The following LIMS1 variants were observed in gnomAD, a reference collection of about 807,000 sequenced individuals.
The protein encoded by LIMS1 is LIM zinc finger domain containing 1, also known as LIM and senescent cell antigen-like-containing domain protein 1.
LIMS1 carries 18 observed loss-of-function variants against 44.1 expected under a neutral mutation model. The observed-to-expected ratio is 0.41, with a 90% CI of 0.28 to 0.61. LIMS1 has a LOEUF of 0.61. Among genes scored for constraint, LIMS1 ranks in the 20% least tolerant of loss-of-function variants. The pLI is 0.32. For synonymous variants in LIMS1, 93 were observed against 149.1 expected (o/e 0.62, Z 2.74); for missense variants, 201 against 422.0 (o/e 0.48, Z 4.59).
intron 1 of LIMS1, among the ~76,000 whole-genome samples, chr2:108,590,402 A>G (rs1209290207): frequency 6.6e-6 from 1 of 152,264 alleles, no homozygotes; most frequent in African/African-American, 2.4e-5. Flanking sequence ...TAAAAAGGGT[A>G]CATGCTTTTT....
chr2:108,609,536 C>T (rs1352173043), intron 1 of LIMS1, among the ~76,000 whole-genome samples: 3 of 152,216 alleles, frequency 2.0e-5, no homozygotes, highest in Non-Finnish European at 2.9e-5. Flanking sequence ...CTCCACCTTC[C>T]CATGCCTTTG....
At chr2:108,663,382 G>A (rs986727938) in intron 2 of LIMS1, among the ~76,000 whole-genome samples, 21 of 152,126 alleles carry the variant, frequency 1.4e-4, no homozygotes, top group African/African-American at 5.1e-4. Flanking sequence ...TTTACCCAGG[G>A]AAATACCCTT....
chr2:108,534,353 C>A (rs1684036361), upstream of LIMS1: 1 of 252,010 alleles, frequency 4.0e-6, no homozygotes, highest in South Asian at 1.7e-4. Flanking sequence ...CCCTCCTTGC[C>A]CAGCCGCTCC....
chr2:108,670,739 G>A lies in LIMS1; in HGVS notation c.193-42G>A, dbSNP rs1484770352. On this transcript the variant is annotated intron_variant, in intron 2 of 9. Transcript: ENST00000544547. ...CATCAAATAATTATATTTCTCCTGT[G>A]ATTGTTTCGTGTTTGTAAGTTGGTG... The A allele has an allele frequency of 5.6e-6, 9 of 1,611,748 alleles. No homozygotes were observed. The Middle Eastern group carries it at 1.6e-3, about 283-fold the overall frequency.
chr2:108,604,278 A>G (rs115017414), intron 1 of LIMS1, among the ~76,000 whole-genome samples: 3,818 of 152,284 alleles, frequency 0.025, 103 homozygotes, highest in African/African-American at 0.064. Flanking sequence ...ATGAAATTCA[A>G]ATTTCAGTGT....
At chr2:108,660,417 C>G (rs965664) in intron 2 of LIMS1, 3 of 426,474 alleles carry the variant, frequency 7.0e-6, no homozygotes, top group Non-Finnish European at 1.4e-5. Flanking sequence ...TACCGAAACC[C>G]CTTTCTTGTT....
intron 7 of LIMS1, among the ~76,000 whole-genome samples, chr2:108,677,730 A>G (rs1692669214): frequency 6.6e-6 from 1 of 152,110 alleles, no homozygotes; most frequent in African/African-American, 2.4e-5. Flanking sequence ...TCTTATCCAT[A>G]TGGACTCACA....
At chr2:108,559,194 G>A (rs1685029972) in intron 1 of LIMS1, among the ~76,000 whole-genome samples, 1 of 152,164 alleles carries the variant, frequency 6.6e-6, no homozygotes, top group Non-Finnish European at 1.5e-5. Context: ...CTCTGTAGAA[G>A]GCTATGAAGA....
chr2:108,584,358 T>C (rs978007372), intron 1 of LIMS1, among the ~76,000 whole-genome samples: 1 of 152,198 alleles, frequency 6.6e-6, no homozygotes. Context: ...TTTTGCATTC[T>C]AGGTTTCCCC....
At chr2:108,602,127 G>C (rs894673278) in intron 1 of LIMS1, among the ~76,000 whole-genome samples, 1 of 152,070 alleles carries the variant, frequency 6.6e-6, no homozygotes, top group Non-Finnish European at 1.5e-5. Flanking sequence ...ATATAGAAAT[G>C]GTACTGACTT....
chr2:108,595,195 A>T (rs1323541183), intron 1 of LIMS1, among the ~76,000 whole-genome samples: 1 of 152,152 alleles, frequency 6.6e-6, no homozygotes, highest in African/African-American at 2.4e-5. Flanking sequence ...GCTGAACCGT[A>T]TTTGGGTGGG....
intron 7 of LIMS1, chr2:108,676,906 T>G (rs1692603340): frequency 3.6e-6 from 2 of 555,644 alleles, no homozygotes; most frequent in East Asian, 6.6e-5. Context: ...GTCCACAGTT[T>G]GCTTTATCAT....
intron 5 of LIMS1, 108 bp downstream of exon 5, chr2:108,673,137 G>A (rs1311860065): frequency 2.6e-5 from 38 of 1,484,416 alleles, no homozygotes; most frequent in Non-Finnish European, 3.4e-5. Flanking sequence ...CCAATTTTTA[G>A]TCTAGAAAAT....
At chr2:108,600,009 C>T (rs1686920644) in intron 1 of LIMS1, among the ~76,000 whole-genome samples, 1 of 151,068 alleles carries the variant, frequency 6.6e-6, no homozygotes, top group Non-Finnish European at 1.5e-5. Context: ...GACTGTTTTC[C>T]TTTGCTGTAC....
intron 2 of LIMS1, among the ~76,000 whole-genome samples, chr2:108,665,993 A>G (rs1691728986): frequency 1.4e-5 from 2 of 147,556 alleles, no homozygotes; most frequent in African/African-American, 5.0e-5. Context: ...GCACACCACA[A>G]CAATCAACAC....
At chr2:108,649,552 G>C (rs1445048537) in intron 1 of LIMS1, among the ~76,000 whole-genome samples, 2 of 152,204 alleles carry the variant, frequency 1.3e-5, no homozygotes, top group African/African-American at 4.8e-5. Flanking sequence ...GTTCACAATA[G>C]CAAAGACTTG....
At chr2:108,597,852 C>T (rs1487763611) in intron 1 of LIMS1, among the ~76,000 whole-genome samples, 2 of 151,884 alleles carry the variant, frequency 1.3e-5, no homozygotes, top group Non-Finnish European at 2.9e-5. Context: ...GCTGCCACAC[C>T]CGGCTATTTT....
chr2:108,551,190 C>T (rs1263135493), intron 1 of LIMS1, among the ~76,000 whole-genome samples: 1 of 151,620 alleles, frequency 6.6e-6, no homozygotes, highest in Non-Finnish European at 1.5e-5. Context: ...ATAAAATTCA[C>T]TTGTTGCAAG....
At position 108,667,551 on chromosome 2, in the gene LIMS1, A is replaced by AAAAAATATAT. The variant is rs765279788; in HGVS notation, c.193-3229_193-3228insAAAATATATA. The stretch of plus-strand genomic sequence containing the variant: ...TTCAACCTTTTTTAAAAAAAAAAAA[A>AAAAAATATAT]ATATATATATATATATATACTGCTG... On this transcript the variant is annotated intron_variant, in intron 2 of 9. Transcript: ENST00000544547. Among the ~76,000 whole-genome samples, 68 of 130,470 alleles carry AAAAAATATAT rather than the reference A, an allele frequency of 5.2e-4. 1 individual carries two copies. The highest frequency in any genetic ancestry group is 9.1e-4 in the Admixed American group (12 of 13,212). 85.6% of individuals were successfully genotyped at this position (130,470 alleles called of 152,430 possible).
Sources: gnomAD v4.1 joint callset for allele counts (sites outside exome capture counted in the v4.1 genomes callset) on GRCh38, gnomAD v4.1.1 for gene constraint, MANE v1.5 for transcripts, NCBI Gene and HGNC (gene_info 2026-07-23, HGNC 2026-07-21) for gene names.